CACNG4: variants seen among roughly 807,000 people sequenced by gnomAD.
CACNG4 encodes the protein voltage-dependent calcium channel gamma-4 subunit.
In CACNG4, 8 loss-of-function variants were observed where a neutral mutation model predicts 22.9. The ratio of observed to expected loss-of-function variants is 0.35; its 90% CI spans 0.21 to 0.63. CACNG4 has a LOEUF of 0.63. Among genes scored for constraint, CACNG4 ranks in the 30% least tolerant of loss-of-function variants. The pLI, the probability that CACNG4 is intolerant of heterozygous loss-of-function variation, is 0.72. For synonymous variants in CACNG4, 188 were observed against 191.9 expected, an observed-to-expected ratio of 0.98 and a Z score of 0.17; for missense variants, 357 against 455.4, an observed-to-expected ratio of 0.78 and a Z score of 1.97.
At chr17:67,005,094 T>C (rs933367603) in intron 1 of CACNG4, among the ~76,000 whole-genome samples, 1 of 152,130 alleles carries the variant, frequency 6.6e-6, no homozygotes, top group Non-Finnish European at 1.5e-5. Flanking sequence ...ACAGCCAAGA[T>C]GAAGGAAGGA....
chr17:67,014,867 G>A (rs1383228526), intron 1 of CACNG4, among the ~76,000 whole-genome samples: 1 of 151,024 alleles, frequency 6.6e-6, no homozygotes, highest in Non-Finnish European at 1.5e-5. Context: ...AACCCAGGAA[G>A]CAGAGGTTGC....
chr17:66,986,348 G>A (rs1221264817), intron 1 of CACNG4, among the ~76,000 whole-genome samples: 6 of 152,206 alleles, frequency 3.9e-5, no homozygotes, highest in Non-Finnish European at 8.8e-5. Context: ...ATGCAGGACG[G>A]AGCGGAGGGA....
chr17:66,989,265 G>C (rs1189276583), intron 1 of CACNG4, among the ~76,000 whole-genome samples: 2 of 151,016 alleles, frequency 1.3e-5, no homozygotes, highest in Non-Finnish European at 2.9e-5. Flanking sequence ...ATGTCATCAA[G>C]TTAAGATGAG....
intron 1 of CACNG4, among the ~76,000 whole-genome samples, chr17:66,980,736 A>G (rs1420295918): frequency 1.4e-5 from 2 of 146,740 alleles, no homozygotes; most frequent in Non-Finnish European, 3.0e-5. Context: ...CTCCTGCCTC[A>G]GCCTCCTGAG....
intron 1 of CACNG4, among the ~76,000 whole-genome samples, chr17:66,992,600 G>A (rs2035347922): frequency 6.6e-6 from 1 of 152,184 alleles, no homozygotes; most frequent in Non-Finnish European, 1.5e-5. Context: ...TGCCCATGTG[G>A]GCCCCTTCGA....
At chr17:66,993,013 T>C (rs771295000) in intron 1 of CACNG4, among the ~76,000 whole-genome samples, 31 of 152,248 alleles carry the variant, frequency 2.0e-4, no homozygotes, top group Admixed American at 9.2e-4. Flanking sequence ...TAGCGTGCGC[T>C]GTGTCTACAG....
At position 66,964,993 on chromosome 17, in the gene CACNG4, A is replaced by G; in HGVS notation, c.82A>G (p.Ile28Val). 1 of 1,610,862 alleles carries G rather than the reference A, an allele frequency of 6.2e-7. No homozygotes were observed. Among genetic ancestry groups the G allele is most frequent in the Non-Finnish European group, 8.5e-7 (1 of 1,178,994 alleles). The change falls in exon 1 of 4, where the codon ATC becomes GTC. Residue 28 changes from isoleucine to valine, a missense_variant. By Grantham distance (29) the Ile-to-Val change is conservative. This residue lies in a region of CACNG4 where 114 missense variants were observed against 161.6 expected (regional missense o/e 0.71). Coordinates refer to ENST00000262138, the MANE Select transcript of CACNG4 (RefSeq NM_014405.4). ...FAAFSLMAIA[I>V]GTDYWLYSSA... Reference sequence around the variant, plus strand: ...CGCCTTCTCGCTCATGGCCATCGCCATCGGCACCGACTACTGGCTGTACTC... The same window carrying G: ...CGCCTTCTCGCTCATGGCCATCGCCGTCGGCACCGACTACTGGCTGTACTC...
rs2035620214 is a variant in CACNG4 at position 67,033,183 on chromosome 17, G to GCCGCCCATTCCTGGC, written c.*2182_*2196dup. 6.6e-6 allele frequency: 1 copy of GCCGCCCATTCCTGGC among 151,838 alleles called. No homozygotes were observed. Among genetic ancestry groups the GCCGCCCATTCCTGGC allele is most frequent in the South Asian group, 2.1e-4 (1 of 4,802 alleles). The allele number at this position is 151,838 out of a possible 1,614,324, so 9.4% of individuals were successfully genotyped here. ...GGTCTCCGGGGACCCTGGGCCCTGG[G>GCCGCCCATTCCTGGC]CCGCCCATTCCTGGCCCTCCCGCTG... is the stretch of plus-strand genomic sequence containing the variant. On this transcript the variant is annotated 3_prime_UTR_variant, in exon 4 of 4. Transcript: ENST00000262138.
chr17:66,979,306 C>T (rs1343224931), intron 1 of CACNG4, among the ~76,000 whole-genome samples: 1 of 152,188 alleles, frequency 6.6e-6, no homozygotes, highest in Non-Finnish European at 1.5e-5. Context: ...CAAGCCCTCT[C>T]CTGCTTCCTG....
intron 1 of CACNG4, among the ~76,000 whole-genome samples, chr17:67,001,942 T>C (rs1160446034): frequency 6.6e-6 from 1 of 152,190 alleles, no homozygotes; most frequent in Non-Finnish European, 1.5e-5. Context: ...AGGCCTTGCC[T>C]AAGCCCATGA....
At chr17:67,028,817 A>G (rs1370687331) in intron 3 of CACNG4, among the ~76,000 whole-genome samples, 1 of 152,106 alleles carries the variant, frequency 6.6e-6, no homozygotes, top group Admixed American at 6.5e-5. Flanking sequence ...GCTCTGTTCA[A>G]CCTCCCTTAG....
intron 1 of CACNG4, among the ~76,000 whole-genome samples, chr17:66,974,095 G>C (rs1237549175): frequency 6.6e-6 from 1 of 152,204 alleles, no homozygotes; most frequent in African/African-American, 2.4e-5. Context: ...GATAAATAAA[G>C]AGATGAGGGA....
intron 3 of CACNG4, among the ~76,000 whole-genome samples, chr17:67,028,050 G>C (rs2035578663): frequency 6.6e-6 from 1 of 151,776 alleles, no homozygotes; most frequent in Admixed American, 6.6e-5. Context: ...AAGCGAACTA[G>C]TAGGGTAAAA....
In CACNG4 at chr17:66,984,258, T is replaced by G. The variant is rs2035292982; in HGVS notation, c.220+19127T>G. 6.6e-6 allele frequency among the ~76,000 whole-genome samples: 1 copy of G among 152,132 alleles called. No individual in the cohort carries two copies. Among genetic ancestry groups the G allele is most frequent in the South Asian group, 2.1e-4 (1 of 4,820 alleles). On this transcript the variant is annotated intron_variant, in intron 1 of 3. Coordinates refer to ENST00000262138, the MANE Select transcript of CACNG4 (RefSeq NM_014405.4). The surrounding 1 kb of genome is among the most constrained non-coding windows in gnomAD (Gnocchi z 4.0). ...TAGCTGGACATGGTGGTGCACACCT[T>G]TAGCCCTAGCTACACAGGAGGCTGA...
At chr17:66,987,526 G>T (rs1049126542) in intron 1 of CACNG4, among the ~76,000 whole-genome samples, 4 of 152,164 alleles carry the variant, frequency 2.6e-5, no homozygotes, top group Non-Finnish European at 5.9e-5. Context: ...GATCACTCGG[G>T]TGATGGAAGA....
At chr17:66,972,264 A>T (rs952942016) in intron 1 of CACNG4, among the ~76,000 whole-genome samples, 1 of 152,210 alleles carries the variant, frequency 6.6e-6, no homozygotes, top group African/African-American at 2.4e-5. Context: ...TCCATAGAGC[A>T]TAACTCAGGA....
chr17:66,990,839 C>A (rs187001456), intron 1 of CACNG4, among the ~76,000 whole-genome samples: 1,602 of 152,016 alleles, frequency 0.011, 30 homozygotes, highest in African/African-American at 0.037. Context: ...CGCCACCATG[C>A]CCGGCTAATT....
rs767803542 is a variant in CACNG4 at position 67,031,477 on chromosome 17, G to A, written c.*473G>A. 49 of 458,170 alleles carry A rather than the reference G, an allele frequency of 1.1e-4. No homozygotes were observed. Among genetic ancestry groups the A allele is most frequent in the Non-Finnish European group, 1.8e-4 (41 of 227,784 alleles). The allele number at this position is 458,170 out of a possible 1,614,324, so 28.4% of individuals were successfully genotyped here. A position where few individuals can be genotyped will look rare whatever the true frequency, so the allele number is the denominator to read the frequency against. ...CTTGTCAGCTGCTTTTGAACCTGAG[G>A]TTCCTGCGTCGTTGAGCCAGAAATC... On this transcript the variant is annotated 3_prime_UTR_variant, in exon 4 of 4. Coordinates refer to ENST00000262138, the MANE Select transcript of CACNG4 (RefSeq NM_014405.4). The surrounding 1 kb of genome is among the most constrained non-coding windows in gnomAD (Gnocchi z 4.0).
intron 1 of CACNG4, among the ~76,000 whole-genome samples, chr17:66,966,559 G>A (rs1414988323): frequency 6.6e-5 from 10 of 152,108 alleles, no homozygotes. Context: ...CATCTGAAAA[G>A]AGGCTTTGTG....
Sources: gnomAD v4.1 joint callset for allele counts (sites outside exome capture counted in the v4.1 genomes callset) on GRCh38, gnomAD v4.1.1 for gene constraint, gnomAD v4.1.1 regional missense constraint, Gnocchi (gnomAD v3.1) non-coding constraint, MANE v1.5 for transcripts, NCBI Gene and HGNC (gene_info 2026-07-23, HGNC 2026-07-21) for gene names.